The following SSBP1 variants were observed in gnomAD, a reference collection of about 807,000 sequenced individuals.
SSBP1 encodes the protein single stranded DNA binding protein 1.
SSBP1 carries 20 observed loss-of-function variants against 27.0 expected under a neutral mutation model. That is an observed-to-expected ratio of 0.74 (90% CI 0.52 to 1.08). The LOEUF is 1.08. Among genes scored for constraint, SSBP1 ranks in the 50% least tolerant of loss-of-function variants. The probability of loss-of-function intolerance (pLI) is 0.00; values close to 1 mark genes in which losing one functional copy is unlikely to be tolerated. For missense variants in SSBP1, 137 were observed against 182.4 expected (o/e 0.75, Z 1.44); for synonymous variants, 59 against 59.3 (o/e 1.00, Z 0.02).
intron 3 of SSBP1, among the ~76,000 whole-genome samples, chr7:141,742,679 G>C (rs1403546455): frequency 6.6e-6 from 1 of 152,158 alleles, no homozygotes; most frequent in Non-Finnish European, 1.5e-5. Context: ...TTGTGGGGCT[G>C]CTTTCTCTAT....
intron 5 of SSBP1, among the ~76,000 whole-genome samples, chr7:141,744,880 C>T (rs183294169): frequency 2.0e-5 from 3 of 152,172 alleles, no homozygotes; most frequent in Admixed American, 2.0e-4. Context: ...GTGGTAGACT[C>T]TCAAAACTGG....
intron 6 of SSBP1, among the ~76,000 whole-genome samples, chr7:141,747,312 A>G (rs1259903540): frequency 6.6e-6 from 1 of 151,816 alleles, no homozygotes; most frequent in Non-Finnish European, 1.5e-5. Flanking sequence ...AAATAAATAC[A>G]TGGCAATAAA....
chr7:141,742,321 C>A, intron 3 of SSBP1, 92 bp downstream of exon 3: 1 of 918,414 alleles, frequency 1.1e-6, no homozygotes, highest in Non-Finnish European at 1.7e-6. Context: ...TTGGGTTAAC[C>A]ATGTTGCCAT....
At chr7:141,739,091 A>G in intron 1 of SSBP1, 33 bp from the exon 2 acceptor site, 1 of 1,338,868 alleles carries the variant, frequency 7.5e-7, no homozygotes, top group Non-Finnish European at 1.0e-6. Context: ...ATAAGAGGTA[A>G]TGTTTTTTTC....
intron 4 of SSBP1, 87 bp downstream of exon 4, chr7:141,743,788 T>C (rs1203651903): frequency 6.5e-7 from 1 of 1,545,252 alleles, no homozygotes; most frequent in Non-Finnish European, 8.8e-7. Context: ...GATAAACCAC[T>C]TTAAACAAGA....
chr7:141,739,124 GA>G lies in SSBP1; in HGVS notation c.-39del. ...TTCTTATTTTGTTTTTTTCCTTCAG[GA>G]AAAGCCTAAAGATTAGACTGTAAGA... On this transcript the variant is annotated splice_region_variant and 5_prime_UTR_variant, in exon 2 of 7. Transcript: ENST00000265304. 1 of 1,555,418 alleles carries G rather than the reference GA, an allele frequency of 6.4e-7. No individual in the cohort carries two copies. The highest frequency in any genetic ancestry group is 8.7e-7 in the Non-Finnish European group (1 of 1,155,846).
chr7:141,749,816 A>G (rs894695738), intron 6 of SSBP1, among the ~76,000 whole-genome samples: 1 of 152,236 alleles, frequency 6.6e-6, no homozygotes, highest in Non-Finnish European at 1.5e-5. Flanking sequence ...TTGTAATTTA[A>G]AAATAAAATT....
At chr7:141,748,609 G>A (rs1799866231) in intron 6 of SSBP1, among the ~76,000 whole-genome samples, 1 of 151,740 alleles carries the variant, frequency 6.6e-6, no homozygotes, top group South Asian at 2.1e-4. Context: ...TCGGATTATT[G>A]AGTTGTTACT....
chr7:141,744,086 GAGTACTACTAATGACTGT>G (rs1799673788), intron 5 of SSBP1, 97 bp downstream of exon 5: 1 of 999,866 alleles, frequency 1.0e-6, no homozygotes, highest in African/African-American at 1.6e-5. Context: ...TTAAATCCCT[GAGTACTACTAATGACTGT>G]ATTAATTTAA....
chr7:141,743,585 G>T lies in SSBP1; in HGVS notation c.110G>T (p.Gly37Val). ...ERSLNRVHLL[G>V]RVGQDPVLRQ... ...GCCCTGAATCGTGTGCACTTACTTG[G>T]GCGAGTGGGTCAGGACCCTGTCTTG... Residue 37 changes from glycine (G) to valine (V), a missense_variant, in exon 4 of 7, where the codon GGG (glycine) becomes GTG (valine). Around this residue, in one of 2 missense-constraint regions of SSBP1, gnomAD observed 95 missense variants for 152.0 expected, o/e 0.62. Coordinates refer to ENST00000265304, the MANE Select transcript of SSBP1 (RefSeq NM_003143.3). 6.2e-7 allele frequency: 1 copy of T among 1,614,124 alleles called. No homozygotes were observed. The highest frequency in any genetic ancestry group is 8.5e-7 in the Non-Finnish European group (1 of 1,180,022).
At chr7:141,742,281 C>T in intron 3 of SSBP1, 52 bp downstream of exon 3, 1 of 1,404,976 alleles carries the variant, frequency 7.1e-7, no homozygotes, top group Non-Finnish European at 1.0e-6. Flanking sequence ...ATTTGCCAAT[C>T]TCAAATGTGT....
intron 6 of SSBP1, chr7:141,745,791 A>G (rs1799760595): frequency 7.7e-7 from 1 of 1,304,600 alleles, no homozygotes; most frequent in Admixed American, 3.4e-5. Context: ...TTATACTTAC[A>G]GTTTTAGTCA....
chr7:141,743,374 TCTTC>T (rs1799639733), intron 3 of SSBP1, among the ~76,000 whole-genome samples, 183 bp from the exon 4 acceptor site: 1 of 152,218 alleles, frequency 6.6e-6, no homozygotes, highest in African/African-American at 2.4e-5. Flanking sequence ...AGTTCTGAAC[TCTTC>T]CTGTTCCTAT....
At chr7:141,750,161 C>T (rs568249277) in intron 6 of SSBP1, 150 bp from the exon 7 acceptor site, 62 of 638,378 alleles carry the variant, frequency 9.7e-5, no homozygotes, top group South Asian at 7.9e-4. Flanking sequence ...ATATACCTCT[C>T]GTGAGCATAG....
rs931821382 is a variant in SSBP1, at chr7:141,746,017, T to A, written c.403+433T>A. 6.2e-6 allele frequency: 6 copies of A among 969,942 alleles called. No individual in the cohort carries two copies. In the South Asian group the frequency reaches 1.9e-4, roughly 31 times the overall value. 60.1% of individuals were successfully genotyped at this position (969,942 alleles called of 1,614,324 possible). A position where few individuals can be genotyped will look rare whatever the true frequency, so the allele number is the denominator to read the frequency against. ...GTGAAATTTCTATTTGAAATTAAGATTTTTTTAATTTTATTTTTTTTGAGC... is the reference window on the plus strand; with the variant it reads ...GTGAAATTTCTATTTGAAATTAAGAATTTTTTAATTTTATTTTTTTTGAGC... On this transcript the variant is annotated intron_variant, in intron 6 of 6. Coordinates refer to ENST00000265304, the MANE Select transcript of SSBP1 (RefSeq NM_003143.3).
chr7:141,747,221 G>A (rs1332673255), intron 6 of SSBP1, among the ~76,000 whole-genome samples: 1 of 151,888 alleles, frequency 6.6e-6, no homozygotes, highest in African/African-American at 2.4e-5. Flanking sequence ...TTCACTTCTT[G>A]AGTAAATTGC....
At chr7:141,747,234 A>G (rs1799818504) in intron 6 of SSBP1, among the ~76,000 whole-genome samples, 2 of 152,114 alleles carry the variant, frequency 1.3e-5, no homozygotes, top group South Asian at 4.1e-4. Flanking sequence ...TAAATTGCTA[A>G]AATTAGACAT....
chr7:141,740,669 C>T (rs960503640), intron 2 of SSBP1: 1 of 152,158 alleles, frequency 6.6e-6, no homozygotes, highest in Non-Finnish European at 1.5e-5. Context: ...CCTTTGCTGA[C>T]AGTGATGTGA....
intron 3 of SSBP1, among the ~76,000 whole-genome samples, chr7:141,743,298 G>A (rs944046344): frequency 5.3e-5 from 8 of 152,220 alleles, no homozygotes; most frequent in Admixed American, 2.0e-4. Context: ...AGCTCTTGGC[G>A]AGGGCTGTCT....
Sources: gnomAD v4.1 joint callset for allele counts (sites outside exome capture counted in the v4.1 genomes callset) on GRCh38, gnomAD v4.1.1 for gene constraint, gnomAD v4.1.1 regional missense constraint, MANE v1.5 for transcripts, NCBI Gene and HGNC (gene_info 2026-07-23, HGNC 2026-07-21) for gene names.